The following SORCS2 variants were observed in gnomAD, a reference collection of about 807,000 sequenced individuals.
SORCS2 encodes the protein sortilin related VPS10 domain containing receptor 2, also known as VPS10 domain-containing receptor SorCS2.
In SORCS2, 100 loss-of-function variants were observed where a neutral mutation model predicts 141.6. The ratio of observed to expected loss-of-function variants is 0.71; its 90% CI spans 0.60 to 0.83. SORCS2 has a LOEUF of 0.83. SORCS2 is among the 40% of genes least tolerant of loss of function. SORCS2 has a pLI of 0.00. For synonymous variants in SORCS2, 789 were observed against 676.9 expected (o/e 1.17, Z -2.57); for missense variants, 1,646 against 1,560.2 (o/e 1.05, Z -0.93).
chr4:7,239,973 G>A (rs1287289580), intron 1 of SORCS2, among the ~76,000 whole-genome samples: 1 of 152,210 alleles, frequency 6.6e-6, no homozygotes, highest in Admixed American at 6.5e-5. Flanking sequence ...TGAGTGTCTC[G>A]TGGTGGCTTC....
chr4:7,703,401 G>A lies in SORCS2; in HGVS notation c.1760+30G>A, dbSNP rs766789819. ...TGGCGTCTGCTAGCCCCGGGGCAGG[G>A]AGGGCAGGCTGGGGCTCTTTCTTTC... is the stretch of plus-strand genomic sequence containing the variant. On this transcript the variant is annotated intron_variant, in intron 13 of 26. Transcript: ENST00000507866. 3.1e-6 allele frequency: 5 copies of A among 1,587,848 alleles called. No homozygotes were observed. The Admixed American group carries it at 6.9e-5, about 22-fold the overall frequency.
chr4:7,613,523 C>T (rs1718558165), intron 3 of SORCS2, among the ~76,000 whole-genome samples: 1 of 152,112 alleles, frequency 6.6e-6, no homozygotes, highest in Admixed American at 6.5e-5. Flanking sequence ...CACTCTGGGC[C>T]CCATGTGAGG....
chr4:7,554,025 C>T (rs1465945851), intron 3 of SORCS2, among the ~76,000 whole-genome samples: 2 of 152,198 alleles, frequency 1.3e-5, no homozygotes, highest in East Asian at 1.9e-4. Context: ...GCGAGAGACT[C>T]AGGGCCTATG....
intron 14 of SORCS2, among the ~76,000 whole-genome samples, chr4:7,711,697 A>C (rs184029164): frequency 2.0e-5 from 3 of 152,336 alleles, no homozygotes; most frequent in Admixed American, 2.0e-4. Flanking sequence ...GCTGACTGCA[A>C]GGAGGGAGAA....
chr4:7,667,736 T>A (rs911978260), intron 8 of SORCS2, among the ~76,000 whole-genome samples: 1 of 152,190 alleles, frequency 6.6e-6, no homozygotes, highest in African/African-American at 2.4e-5. Context: ...CTATTGCCTT[T>A]CCCTTGCCTT....
intron 1 of SORCS2, among the ~76,000 whole-genome samples, chr4:7,263,349 T>C (rs1714493535): frequency 6.6e-6 from 1 of 152,150 alleles, no homozygotes; most frequent in Non-Finnish European, 1.5e-5. Context: ...TGAACTCACC[T>C]GTGAAAAAGC....
chr4:7,665,009 C>T (rs1722415375), intron 7 of SORCS2, among the ~76,000 whole-genome samples: 1 of 152,238 alleles, frequency 6.6e-6, no homozygotes, highest in African/African-American at 2.4e-5. Context: ...CAGCCTAGCC[C>T]TCTGCTGAGT....
At chr4:7,397,792 C>T (rs529774604) in intron 2 of SORCS2, among the ~76,000 whole-genome samples, 9 of 152,254 alleles carry the variant, frequency 5.9e-5, no homozygotes, top group South Asian at 2.1e-4. Flanking sequence ...CCAGGGAGGG[C>T]GCCTTCACTG....
At chr4:7,226,816 C>T (rs1729016972) in intron 1 of SORCS2, among the ~76,000 whole-genome samples, 1 of 152,206 alleles carries the variant, frequency 6.6e-6, no homozygotes, top group Non-Finnish European at 1.5e-5. Context: ...CATCTTCAAG[C>T]ACCGCCGGGA....
At chr4:7,301,987 CCT>C (rs1238539480) in intron 1 of SORCS2, among the ~76,000 whole-genome samples, 1 of 152,250 alleles carries the variant, frequency 6.6e-6, no homozygotes, top group African/African-American at 2.4e-5. Context: ...CCTACAGTGG[CCT>C]CTGTGTCCCA....
chr4:7,246,401 G>A (rs777215435), intron 1 of SORCS2, among the ~76,000 whole-genome samples: 1 of 151,898 alleles, frequency 6.6e-6, no homozygotes, highest in South Asian at 2.1e-4. Flanking sequence ...CTCACCCGGG[G>A]CTTAAATGAA....
intron 12 of SORCS2, among the ~76,000 whole-genome samples, chr4:7,698,051 G>A (rs560601429): frequency 3.9e-5 from 6 of 151,914 alleles, no homozygotes; most frequent in South Asian, 2.1e-4. Flanking sequence ...CGTGTCCTGC[G>A]TGGTCCAGGC....
At chr4:7,224,795 C>G (rs994120091) in intron 1 of SORCS2, among the ~76,000 whole-genome samples, 1 of 152,198 alleles carries the variant, frequency 6.6e-6, no homozygotes, top group Non-Finnish European at 1.5e-5. Flanking sequence ...CCCTCCGATC[C>G]TTCCCCTTCC....
intron 1 of SORCS2, among the ~76,000 whole-genome samples, chr4:7,353,780 G>T (rs1242994657): frequency 2.6e-5 from 4 of 152,150 alleles, no homozygotes. Context: ...CTAGACAGGG[G>T]TTTGAGCAGT....
rs967002479 is a variant in SORCS2, at chr4:7,603,104, C to T, written c.649-35224C>T. ...GGGAGGTTGCAGTGAGCAGAGATGG[C>T]GGCACTACAGTTCAGCCTCCGCTCG... On this transcript the variant is annotated intron_variant, in intron 3 of 26. Coordinates refer to ENST00000507866, the MANE Select transcript of SORCS2 (RefSeq NM_020777.3). 6.0e-5 allele frequency among the ~76,000 whole-genome samples: 9 copies of T among 150,752 alleles called. No individual in the cohort carries two copies. The East Asian group carries it at 9.8e-4, about 16-fold the overall frequency.
chr4:7,737,237 C>G (rs1392297562), intron 26 of SORCS2, 65 bp downstream of exon 26: 2 of 1,543,206 alleles, frequency 1.3e-6, no homozygotes, highest in Non-Finnish European at 1.7e-6. Flanking sequence ...CCAAACCCAC[C>G]CCGCCCTCCC....
chr4:7,209,306 T>C (rs1176508942), intron 1 of SORCS2, among the ~76,000 whole-genome samples: 1 of 152,198 alleles, frequency 6.6e-6, no homozygotes. Flanking sequence ...CCTTGGGCCT[T>C]GCTTGTCTTC....
chr4:7,723,616 T>A, intron 18 of SORCS2, 81 bp from the exon 19 acceptor site: 4 of 1,455,002 alleles, frequency 2.7e-6, no homozygotes, highest in Non-Finnish European at 1.9e-6. Flanking sequence ...AATGAGTGAG[T>A]GAGTGAGTGA....
At chr4:7,554,763 TG>T (rs1713980171) in intron 3 of SORCS2, among the ~76,000 whole-genome samples, 1 of 151,942 alleles carries the variant, frequency 6.6e-6, no homozygotes, top group South Asian at 2.1e-4. Flanking sequence ...CAAAGAGAAA[TG>T]CTGTGTGGGC....
Sources: allele counts gnomAD v4.1 joint callset (sites outside exome capture counted in the v4.1 genomes callset), GRCh38; gene constraint gnomAD v4.1.1; transcripts MANE v1.5; gene names NCBI Gene and HGNC (gene_info 2026-07-23, HGNC 2026-07-21).